Variants in TNS1 observed in about 807,000 individuals in gnomAD.
TNS1 encodes tensin 1.
A neutral mutation model predicts 168.6 loss-of-function variants in TNS1; 62 were observed. That is an observed-to-expected ratio of 0.37 (90% CI 0.30 to 0.45). The LOEUF is 0.45. TNS1 is among the 20% of genes least tolerant of loss of function. The pLI is 1.00. For synonymous variants in TNS1, 934 were observed against 933.2 expected (o/e 1.00, Z -0.02); for missense variants, 2,240 against 2,339.4 (o/e 0.96, Z 0.88).
At chr2:217,939,722 C>T (rs1956813480) in intron 3 of TNS1, among the ~76,000 whole-genome samples, 1 of 152,192 alleles carries the variant, frequency 6.6e-6, no homozygotes, top group African/African-American at 2.4e-5. Context: ...GGCTGAGCTA[C>T]AGGCTTCCAG....
At chr2:217,855,248 T>G (rs1242985570) in intron 18 of TNS1, among the ~76,000 whole-genome samples, 1 of 152,140 alleles carries the variant, frequency 6.6e-6, no homozygotes, top group East Asian at 1.9e-4. Context: ...CTACTCCTAC[T>G]CAACTCTTCA....
chr2:217,940,159 G>T (rs927973918), intron 3 of TNS1, among the ~76,000 whole-genome samples: 19 of 152,328 alleles, frequency 1.2e-4, no homozygotes, highest in Admixed American at 2.0e-4. Context: ...TCTGGCCAGG[G>T]AGCTATTGAG....
chr2:217,989,967 C>T (rs1190848760), intron 2 of TNS1, among the ~76,000 whole-genome samples: 2 of 146,572 alleles, frequency 1.4e-5, no homozygotes, highest in African/African-American at 2.5e-5. Context: ...CATCCACACA[C>T]CAGCCACACA....
chr2:217,824,813 A>C (rs1943378387), intron 22 of TNS1, among the ~76,000 whole-genome samples: 1 of 152,112 alleles, frequency 6.6e-6, no homozygotes, highest in African/African-American at 2.4e-5. Context: ...GGCTACACCC[A>C]GGTCCCCACG....
chr2:217,889,129 G>A (rs572388749), intron 12 of TNS1, among the ~76,000 whole-genome samples: 45 of 152,316 alleles, frequency 3.0e-4, no homozygotes, highest in African/African-American at 1.1e-3. Flanking sequence ...GAAGACTCTC[G>A]TTGATCCACA....
rs759042034 is a variant in TNS1 at position 217,848,442 on chromosome 2, G to C, written c.2075C>G (p.Ala692Gly). 6 of 1,611,464 alleles carry C rather than the reference G, an allele frequency of 3.7e-6. No homozygotes were observed. The highest frequency in any genetic ancestry group is 2.2e-5 in the East Asian group (1 of 44,812). The change falls in exon 19 of 33, where the codon GCG becomes GGG. Residue 692 changes from alanine (A) to glycine (G), a missense_variant. Around this residue, in one of 2 missense-constraint regions of TNS1, gnomAD observed 2,131 missense variants for 2,171.2 expected, o/e 0.98. Coordinates refer to ENST00000682258, the MANE Select transcript of TNS1 (RefSeq NM_001387777.1). ...GGYPYESASR[A>G]GPAHAGHTAP... ...CGTGTGGCCAGCATGGGCAGGCCCC[G>C]CCCGGCTGGCAGACTCGTAGGGGTA...
chr2:217,956,228 C>T (rs1957358919), intron 3 of TNS1, among the ~76,000 whole-genome samples: 1 of 152,036 alleles, frequency 6.6e-6, no homozygotes, highest in Non-Finnish European at 1.5e-5. Context: ...GTCTTGAACT[C>T]CTGGGCTAAA....
intron 18 of TNS1, among the ~76,000 whole-genome samples, chr2:217,854,611 G>A (rs1315467893): frequency 6.6e-6 from 1 of 152,232 alleles, no homozygotes; most frequent in Non-Finnish European, 1.5e-5. Context: ...CTCCTTAAAA[G>A]GAGGAGTGGG....
At chr2:217,975,201 A>T (rs147451459) in intron 3 of TNS1, among the ~76,000 whole-genome samples, 2,351 of 152,182 alleles carry the variant, frequency 0.015, 30 homozygotes, top group Non-Finnish European at 0.025. Flanking sequence ...CACCTTGGAA[A>T]ATGATCCTCC....
intron 8 of TNS1, 128 bp downstream of exon 8, chr2:217,897,670 G>T: frequency 9.7e-7 from 1 of 1,028,686 alleles, no homozygotes. Flanking sequence ...GAGGGGAAAG[G>T]CAGATAAACA....
chr2:217,900,373 C>T (rs987193249), intron 7 of TNS1, 90 bp downstream of exon 7: 14 of 1,442,964 alleles, frequency 9.7e-6, no homozygotes, highest in East Asian at 2.5e-5. Context: ...GGCTGCAGTC[C>T]GGGGGACCCA....
intron 4 of TNS1, among the ~76,000 whole-genome samples, chr2:217,909,631 G>C (rs768485255): frequency 6.6e-6 from 1 of 151,214 alleles, no homozygotes; most frequent in Non-Finnish European, 1.5e-5. Flanking sequence ...ACTTAAGGAC[G>C]TGCATTTCTA....
At chr2:217,873,518 G>A (rs891286705) in intron 18 of TNS1, among the ~76,000 whole-genome samples, 3 of 152,176 alleles carry the variant, frequency 2.0e-5, no homozygotes, top group South Asian at 2.1e-4. Context: ...GGGTCTTTGC[G>A]GGGGCCAGGA....
At chr2:217,834,200 G>A (rs796168301) in intron 21 of TNS1, among the ~76,000 whole-genome samples, 10 of 152,298 alleles carry the variant, frequency 6.6e-5, no homozygotes, top group African/African-American at 1.7e-4. Context: ...CAGGGGCCAC[G>A]TACATTGCCA....
chr2:217,992,695 A>G (rs935491360), intron 1 of TNS1: 3 of 152,490 alleles, frequency 2.0e-5, no homozygotes, highest in African/African-American at 7.2e-5. Flanking sequence ...CGGGAAGCAG[A>G]CAGGACAGAG....
In TNS1 at chr2:217,879,070, G is replaced by A. The variant is rs151085980; in HGVS notation, c.1429+1828C>T. Reference sequence around the variant, plus strand: ...TGGCCCTCTGCCGAGAGGGGGAGCCGCTCTCGGCTCTGCTGTCCCTGGGCT... The same window carrying A: ...TGGCCCTCTGCCGAGAGGGGGAGCCACTCTCGGCTCTGCTGTCCCTGGGCT... On this transcript the variant is annotated intron_variant, in intron 18 of 32. Coordinates refer to ENST00000682258, the MANE Select transcript of TNS1 (RefSeq NM_001387777.1). 6.5e-3 allele frequency among the ~76,000 whole-genome samples: 994 copies of A among 152,216 alleles called. 10 individuals carry two copies. Among genetic ancestry groups the A allele is most frequent in the African/African-American group, 0.023 (939 of 41,534 alleles).
intron 1 of TNS1, among the ~76,000 whole-genome samples, chr2:218,021,921 G>A (rs953788629): frequency 1.5e-4 from 23 of 152,198 alleles, no homozygotes; most frequent in African/African-American, 4.8e-4. Context: ...AAGGGGCACC[G>A]TGGCTGAGGC....
At chr2:217,859,052 G>A (rs941225232) in intron 18 of TNS1, among the ~76,000 whole-genome samples, 4 of 125,050 alleles carry the variant, frequency 3.2e-5, no homozygotes, top group South Asian at 3.0e-4. Flanking sequence ...CAGCCCCACC[G>A]GGTCCCAGTC....
chr2:218,029,052 A>G (rs937717900), intron 1 of TNS1, among the ~76,000 whole-genome samples: 2 of 152,224 alleles, frequency 1.3e-5, no homozygotes, highest in Non-Finnish European at 2.9e-5. Flanking sequence ...GCAAACAAAT[A>G]GAGGGTGCAG....
Sources: gnomAD v4.1 joint callset for allele counts (sites outside exome capture counted in the v4.1 genomes callset) on GRCh38, gnomAD v4.1.1 for gene constraint, gnomAD v4.1.1 regional missense constraint, MANE v1.5 for transcripts, NCBI Gene and HGNC (gene_info 2026-07-23, HGNC 2026-07-21) for gene names.